The following TRDMT1 variants were observed in gnomAD, a reference collection of about 807,000 sequenced individuals.
TRDMT1 encodes tRNA (cytosine(38)-C(5))-methyltransferase.
In TRDMT1, 49 loss-of-function variants were observed where a neutral mutation model predicts 51.2. The ratio of observed to expected loss-of-function variants is 0.96; its 90% CI spans 0.76 to 1.21. TRDMT1 has a LOEUF of 1.21. TRDMT1 is among the 50% of genes most tolerant of loss of function. The pLI, the probability that TRDMT1 is intolerant of heterozygous loss-of-function variation, is 0.00. For missense variants in TRDMT1, 534 were observed against 462.3 expected, an observed-to-expected ratio of 1.16 and a Z score of -1.42; for synonymous variants, 187 against 164.6, an observed-to-expected ratio of 1.14 and a Z score of -1.04.
intron 8 of TRDMT1, among the ~76,000 whole-genome samples, chr10:17,155,873 C>A (rs1037799777): frequency 6.6e-6 from 1 of 152,102 alleles, no homozygotes; most frequent in South Asian, 2.1e-4. Context: ...CATCAGGCTC[C>A]TTTTATGCCA....
In TRDMT1 at chr10:17,143,132, A is replaced by G. The variant is rs1417226648; in HGVS notation, c.*5908T>C. 1.0e-6 allele frequency: 1 copy of G among 985,328 alleles called. No individual in the cohort carries two copies. Among genetic ancestry groups the G allele is most frequent in the Non-Finnish European group, 1.2e-6 (1 of 829,938 alleles). The allele number at this position is 985,328 out of a possible 1,614,324, so 61.0% of individuals were successfully genotyped here. A position where few individuals can be genotyped will look rare whatever the true frequency, so the allele number is the denominator to read the frequency against. ...AGTGGCAGTAACAGACAAATTAAAT[A>G]GTTTTCAAGAGAACAACTTAAAGAC... On this transcript the variant is annotated 3_prime_UTR_variant, in exon 11 of 11. Coordinates refer to ENST00000377799, the MANE Select transcript of TRDMT1 (RefSeq NM_004412.7).
At chr10:17,186,692 T>A (rs1166313581) in intron 1 of TRDMT1, among the ~76,000 whole-genome samples, 4 of 152,190 alleles carry the variant, frequency 2.6e-5, no homozygotes, top group African/African-American at 9.7e-5. Context: ...CATACATAGA[T>A]AATAATTAGA....
chr10:17,181,522 T>G (rs1843278840), intron 1 of TRDMT1, among the ~76,000 whole-genome samples: 1 of 152,216 alleles, frequency 6.6e-6, no homozygotes. Flanking sequence ...ATAAGTGAAT[T>G]ATACTTCCTA....
intron 10 of TRDMT1, among the ~76,000 whole-genome samples, chr10:17,149,638 G>T (rs374590566): frequency 6.6e-6 from 1 of 151,958 alleles, no homozygotes; most frequent in Admixed American, 6.6e-5. Context: ...CCTATTAGCA[G>T]TCACTCCCTA....
chr10:17,157,961 T>C (rs1839793204), intron 7 of TRDMT1, among the ~76,000 whole-genome samples, 177 bp from the exon 8 acceptor site: 1 of 152,200 alleles, frequency 6.6e-6, no homozygotes, highest in African/African-American at 2.4e-5. Context: ...ATTAATCATA[T>C]AGCTATATTG....
chr10:17,141,530 A>AC lies in TRDMT1; in HGVS notation c.*7509_*7510insG, dbSNP rs1554823489. ...ATTATTTAAATGCTCTTTCAGCTCC[A>AC]TTTTTTTCCCCTCTACTTCTGGCAC... On this transcript the variant is annotated 3_prime_UTR_variant, in exon 11 of 11. Transcript: ENST00000377799. Among the ~76,000 whole-genome samples the AC allele has an allele frequency of 6.6e-6, 1 of 151,640 alleles. No homozygotes were observed. The highest frequency in any genetic ancestry group is 1.5e-5 in the Non-Finnish European group (1 of 67,936).
At position 17,140,220 on chromosome 10, in the gene TRDMT1, T is replaced by C. The variant is rs574238980; in HGVS notation, c.*8820A>G. On this transcript the variant is annotated 3_prime_UTR_variant, in exon 11 of 11. Coordinates refer to ENST00000377799, the MANE Select transcript of TRDMT1 (RefSeq NM_004412.7). Reference sequence around the variant, plus strand: ...CATGCCACCACATCCAGCTATTTTTTTTTTTTTTTTGTACCTTTAGTAGAG... The same window carrying C: ...CATGCCACCACATCCAGCTATTTTTCTTTTTTTTTTGTACCTTTAGTAGAG... 1.3e-5 allele frequency among the ~76,000 whole-genome samples: 2 copies of C among 150,512 alleles called. No homozygotes were observed. The highest frequency in any genetic ancestry group is 3.0e-5 in the Non-Finnish European group (2 of 67,656).
chr10:17,158,974 G>C (rs1239098432), intron 7 of TRDMT1, among the ~76,000 whole-genome samples, 172 bp downstream of exon 7: 1 of 152,044 alleles, frequency 6.6e-6, no homozygotes, highest in Non-Finnish European at 1.5e-5. Context: ...AACAATAAAA[G>C]TGGCAAGATG....
chr10:17,147,913 C>A lies in TRDMT1; in HGVS notation c.*1127G>T. 1 of 867,106 alleles carries A rather than the reference C, an allele frequency of 1.2e-6. No homozygotes were observed. 53.7% of individuals were successfully genotyped at this position (867,106 alleles called of 1,614,324 possible). A position where few individuals can be genotyped will look rare whatever the true frequency, so the allele number is the denominator to read the frequency against. On this transcript the variant is annotated 3_prime_UTR_variant, in exon 11 of 11. Transcript: ENST00000377799. ...ATAGCGTTTTCCAACAGCAGCTGAA[C>A]CATTTTACGTTCCCACAAGCAATGC...
intron 5 of TRDMT1, 57 bp from the exon 6 acceptor site, chr10:17,160,431 A>G: frequency 8.3e-7 from 1 of 1,207,218 alleles, no homozygotes; most frequent in Non-Finnish European, 1.1e-6. Context: ...TCTTATTTAA[A>G]TAATGTACAC....
At position 17,161,488 on chromosome 10, in the gene TRDMT1, A is replaced by G. The variant is rs1840349667; in HGVS notation, c.384T>C (p.Ser128=). Residue 128 remains serine (S), a synonymous_variant, in exon 5 of 11, where the codon TCT becomes TCC. Coordinates refer to ENST00000377799, the MANE Select transcript of TRDMT1 (RefSeq NM_004412.7). ...LENVKGFEVS[S]TRDLLIQTIE... ...AGACAAATACATTTTTTTACCTTGT[A>G]GAAGATACTTCAAAACCTTTAACAT... The G allele has an allele frequency of 1.5e-6, 2 of 1,373,694 alleles. No individual in the cohort carries two copies. Among genetic ancestry groups the G allele is most frequent in the African/African-American group, 2.9e-5 (2 of 68,194 alleles). 85.1% of individuals were successfully genotyped at this position (1,373,694 alleles called of 1,614,324 possible).
Position 17,196,045 on chromosome 10 carries a change from G to A in TRDMT1, c.64+5526C>T, listed in dbSNP as rs191938834. Among the ~76,000 whole-genome samples, 12 of 152,266 alleles carry A rather than the reference G, an allele frequency of 7.9e-5. No homozygotes were observed. The East Asian group carries it at 2.3e-3, about 29-fold the overall frequency. ...TACAAATACACTTCATCGTAATGTA[G>A]TTGCCTGATTCAGTTACAAACACAC... On this transcript the variant is annotated intron_variant, in intron 1 of 10. Transcript: ENST00000377799.
rs1039226465 is a variant in TRDMT1 at position 17,137,996 on chromosome 10, A to G, written c.*11044T>C. Among the ~76,000 whole-genome samples the G allele has an allele frequency of 6.6e-6, 1 of 152,158 alleles. No individual in the cohort carries two copies. The highest frequency in any genetic ancestry group is 1.5e-5 in the Non-Finnish European group (1 of 68,040). On this transcript the variant is annotated 3_prime_UTR_variant, in exon 11 of 11. Transcript: ENST00000377799. ...GGGATGTTCTTTTATCTTGAGTGCA[A>G]TAATCCTTATGTGATATTTCTGCTA...
At chr10:17,157,253 A>G (rs1378224166) in intron 8 of TRDMT1, among the ~76,000 whole-genome samples, 188 bp downstream of exon 8, 1 of 152,184 alleles carries the variant, frequency 6.6e-6, no homozygotes, top group Non-Finnish European at 1.5e-5. Flanking sequence ...GGTGCACATA[A>G]TGTTCTGCCA....
At position 17,141,926 on chromosome 10, in the gene TRDMT1, T is replaced by C. The variant is rs1307421915; in HGVS notation, c.*7114A>G. On this transcript the variant is annotated 3_prime_UTR_variant, in exon 11 of 11. Coordinates refer to ENST00000377799, the MANE Select transcript of TRDMT1 (RefSeq NM_004412.7). ...AATCAAATTATCTGTTACCACAGAA[T>C]GTTTTCTATTTTGGTTATTTTTCAG... Among the ~76,000 whole-genome samples the C allele has an allele frequency of 6.6e-6, 1 of 152,250 alleles. No homozygotes were observed. Among genetic ancestry groups the C allele is most frequent in the Non-Finnish European group, 1.5e-5 (1 of 68,038 alleles).
chr10:17,148,803 G>A lies in TRDMT1; in HGVS notation c.*237C>T. On this transcript the variant is annotated 3_prime_UTR_variant, in exon 11 of 11. Transcript: ENST00000377799. ...GAATATTCCACATATATATTTATCA[G>A]TTTCATATGAAAATATACTCTCCAT... The A allele has an allele frequency of 9.3e-7, 1 of 1,079,730 alleles. No individual in the cohort carries two copies. The highest frequency in any genetic ancestry group is 1.1e-6 in the Non-Finnish European group (1 of 872,182). The allele number at this position is 1,079,730 out of a possible 1,614,324, so 66.9% of individuals were successfully genotyped here.
chr10:17,194,707 T>A (rs1382885174), intron 1 of TRDMT1, among the ~76,000 whole-genome samples: 1 of 151,920 alleles, frequency 6.6e-6, no homozygotes, highest in Non-Finnish European at 1.5e-5. Flanking sequence ...ACGAGGCAGG[T>A]GGATTGCTTG....
At chr10:17,201,045 A>G (rs1846085445) in intron 1 of TRDMT1, among the ~76,000 whole-genome samples, 1 of 152,204 alleles carries the variant, frequency 6.6e-6, no homozygotes, top group Non-Finnish European at 1.5e-5. Context: ...CAACGATCAG[A>G]CGTCCAAGTT....
intron 4 of TRDMT1, 151 bp from the exon 5 acceptor site, chr10:17,161,699 T>C (rs1840381469): frequency 6.2e-6 from 3 of 482,564 alleles, no homozygotes; most frequent in Non-Finnish European, 1.0e-5. Context: ...ACATATATTT[T>C]ATTCATTTTT....
Sources: gnomAD v4.1 joint callset for allele counts (sites outside exome capture counted in the v4.1 genomes callset) on GRCh38, gnomAD v4.1.1 for gene constraint, MANE v1.5 for transcripts, NCBI Gene and HGNC (gene_info 2026-07-23, HGNC 2026-07-21) for gene names.